Variants in CCDC171 observed in about 807,000 individuals in gnomAD.
The protein encoded by CCDC171 is coiled-coil domain-containing protein 171.
Under a neutral mutation model 168.2 loss-of-function variants are expected in CCDC171, and 177 were observed. That is an observed-to-expected ratio of 1.05 (90% CI 0.93 to 1.19). The LOEUF is 1.19. Among genes scored for constraint, CCDC171 ranks in the 50% most tolerant of loss-of-function variants. The pLI is 0.00. For missense variants in CCDC171, 1,991 were observed against 1,539.0 expected, an observed-to-expected ratio of 1.29 and a Z score of -4.91; for synonymous variants, 687 against 540.8, an observed-to-expected ratio of 1.27 and a Z score of -3.75.
intron 24 of CCDC171, among the ~76,000 whole-genome samples, chr9:15,880,915 A>G (rs1818558260): frequency 6.6e-6 from 1 of 152,216 alleles, no homozygotes; most frequent in African/African-American, 2.4e-5. Context: ...TTAGGGAAAT[A>G]CAATTAGCTG....
intron 6 of CCDC171, among the ~76,000 whole-genome samples, chr9:15,601,878 G>T (rs552616787): frequency 5.3e-5 from 8 of 152,318 alleles, no homozygotes; most frequent in African/African-American, 1.9e-4. Flanking sequence ...TCAAAGGCCT[G>T]TGTATAAATA....
intron 25 of CCDC171, among the ~76,000 whole-genome samples, chr9:15,952,841 G>A (rs976658124): frequency 6.6e-6 from 1 of 152,094 alleles, no homozygotes; most frequent in Admixed American, 6.6e-5. Context: ...ATTTCTTCAT[G>A]TTTTTAATGT....
At chr9:16,093,202 G>A in the CCDC171 span, among the ~76,000 whole-genome samples, 1 of 152,228 alleles carries the variant, frequency 6.6e-6, no homozygotes, top group Non-Finnish European at 1.5e-5. Context: ...ATTCTTTGAT[G>A]AAAAGCAAAT....
intron 3 of CCDC171, among the ~76,000 whole-genome samples, chr9:15,980,166 G>A (rs1831748168): frequency 6.6e-6 from 1 of 152,022 alleles, no homozygotes; most frequent in Non-Finnish European, 1.5e-5. Flanking sequence ...AATGTTTTCT[G>A]GAAATTTTCT....
At chr9:16,042,674 A>T (rs927403243), upstream of CCDC171, 10 of 152,214 alleles carry the variant, frequency 6.6e-5, no homozygotes, top group Non-Finnish European at 1.3e-4. Flanking sequence ...TAGCAATGAT[A>T]TGGGGACCTG....
chr9:15,623,481 A>G (rs201065789), intron 7 of CCDC171, 68 bp downstream of exon 7: 5,156 of 492,578 alleles, frequency 0.01, 174 homozygotes, highest in South Asian at 0.039. Context: ...GCGCGCACAC[A>G]CACACACACA....
intron 6 of CCDC171, among the ~76,000 whole-genome samples, chr9:15,603,192 G>A (rs530549393): frequency 1.3e-5 from 2 of 152,064 alleles, no homozygotes; most frequent in South Asian, 2.1e-4. Flanking sequence ...CACCGTGTTA[G>A]CCAGGATGGT....
At chr9:15,944,540 T>C (rs1322410389) in intron 25 of CCDC171, among the ~76,000 whole-genome samples, 1 of 152,016 alleles carries the variant, frequency 6.6e-6, no homozygotes, top group African/African-American at 2.4e-5. Flanking sequence ...GGATATATTA[T>C]TTTTATGAAC....
chr9:16,091,977 C>T, the CCDC171 span, among the ~76,000 whole-genome samples: 2 of 152,326 alleles, frequency 1.3e-5, no homozygotes, highest in East Asian at 3.9e-4. Flanking sequence ...CAGCTTGTTC[C>T]TCACTGAGCC....
chr9:15,644,171 AT>A (rs1203573652), intron 7 of CCDC171, among the ~76,000 whole-genome samples: 3 of 152,112 alleles, frequency 2.0e-5, no homozygotes, highest in African/African-American at 7.2e-5. Context: ...CAGCCAAACC[AT>A]TTTACATTCC....
At chr9:15,684,997 G>T (rs1364025483) in intron 10 of CCDC171, among the ~76,000 whole-genome samples, 1 of 152,144 alleles carries the variant, frequency 6.6e-6, no homozygotes, top group Non-Finnish European at 1.5e-5. Flanking sequence ...AGCATTAAGG[G>T]ACCTTTAATC....
chr9:15,768,699 A>C (rs1465997531), intron 18 of CCDC171, among the ~76,000 whole-genome samples: 1 of 152,150 alleles, frequency 6.6e-6, no homozygotes, highest in East Asian at 1.9e-4. Flanking sequence ...TGTTTTTTGG[A>C]TATTTCAGTA....
At position 15,706,244 on chromosome 9, in the gene CCDC171, G is replaced by GCTTCCTTCCTTCCTTC. The variant is rs535186319; in HGVS notation, c.1318+10919_1318+10934dup. ...TCCTTCCTTCCTTCCTTCCTTCCTT[G>GCTTCCTTCCTTCCTTC]CTTCCTTCCTTCCTTCCTTCCTTCC... On this transcript the variant is annotated intron_variant, in intron 11 of 25. Transcript: ENST00000380701. 1.4e-4 allele frequency among the ~76,000 whole-genome samples: 11 copies of GCTTCCTTCCTTCCTTC among 77,208 alleles called. No individual in the cohort carries two copies. In the East Asian group the frequency reaches 9.8e-3, roughly 69 times the overall value. The allele number at this position is 77,208 out of a possible 152,430, so 50.7% of individuals were successfully genotyped here.
At chr9:15,599,142 A>G (rs1220349921) in intron 6 of CCDC171, among the ~76,000 whole-genome samples, 4 of 152,242 alleles carry the variant, frequency 2.6e-5, no homozygotes, top group East Asian at 1.9e-4. Context: ...CATTTAGCCC[A>G]TTTACATTTA....
At chr9:15,576,309 A>G (rs2040659380) in intron 3 of CCDC171, among the ~76,000 whole-genome samples, 2 of 151,890 alleles carry the variant, frequency 1.3e-5, no homozygotes, top group Admixed American at 6.6e-5. Context: ...TAGCTTCCCA[A>G]GTAGCCAGGA....
intron 2 of CCDC171, among the ~76,000 whole-genome samples, chr9:15,565,752 C>A (rs1270016230): frequency 2.0e-5 from 3 of 152,228 alleles, no homozygotes; most frequent in African/African-American, 7.2e-5. Context: ...TTATGCCCAT[C>A]TGCCAGTTGA....
chr9:15,697,243 C>T (rs1439152091), intron 11 of CCDC171, among the ~76,000 whole-genome samples: 1 of 152,186 alleles, frequency 6.6e-6, no homozygotes, highest in African/African-American at 2.4e-5. Context: ...GTTGGGTGGG[C>T]CCTCTTTCAT....
At chr9:15,884,003 C>T (rs1034180443) in intron 24 of CCDC171, among the ~76,000 whole-genome samples, 13 of 152,170 alleles carry the variant, frequency 8.5e-5, no homozygotes, top group African/African-American at 2.9e-4. Flanking sequence ...ACACAAATTA[C>T]ACCAGTAGCA....
At chr9:15,937,289 A>G (rs1827221186) in intron 25 of CCDC171, among the ~76,000 whole-genome samples, 2 of 152,062 alleles carry the variant, frequency 1.3e-5, no homozygotes, top group Admixed American at 6.6e-5. Flanking sequence ...AAGCTGGTTC[A>G]GAGACAACCT....
Sources: gnomAD v4.1 joint callset for allele counts (sites outside exome capture counted in the v4.1 genomes callset) on GRCh38, gnomAD v4.1.1 for gene constraint, MANE v1.5 for transcripts, NCBI Gene and HGNC (gene_info 2026-07-23, HGNC 2026-07-21) for gene names.